ACTN3: variants seen among roughly 807,000 people sequenced by gnomAD.
The protein encoded by ACTN3 is actinin alpha 3, also known as alpha-actinin-3.
ACTN3 carries 91 observed loss-of-function variants against 119.6 expected under a neutral mutation model. That is an observed-to-expected ratio of 0.76 (90% CI 0.64 to 0.91). The LOEUF (loss-of-function observed/expected upper bound fraction) is 0.91, where lower values mean the gene tolerates loss of function less well. Ranked by LOEUF, ACTN3 falls within the 40% of genes least tolerant of loss-of-function variation. ACTN3 has a pLI of 0.00. For synonymous variants in ACTN3, 456 were observed against 478.8 expected (o/e 0.95, Z 0.62); for missense variants, 1,221 against 1,215.1 (o/e 1.00, Z -0.07).
chr11:66,557,019 C>T (rs1420320711), intron 8 of ACTN3, 114 bp from the exon 9 acceptor site: 1 of 887,492 alleles, frequency 1.1e-6, no homozygotes. Context: ...CCTCGGCCTC[C>T]CAAACTGCTG....
intron 11 of ACTN3, 35 bp from the exon 12 acceptor site, chr11:66,559,201 C>T: frequency 6.9e-7 from 1 of 1,456,892 alleles, no homozygotes; most frequent in Non-Finnish European, 9.1e-7. Context: ...CCCCTGCCGC[C>T]ACTGGGTGAC....
chr11:66,550,948 G>T, intron 1 of ACTN3: 1 of 525,950 alleles, frequency 1.9e-6, no homozygotes, highest in Non-Finnish European at 3.6e-6. Context: ...TTTTCTAAGG[G>T]CCCTCCAGTG....
intron 15 of ACTN3, 79 bp downstream of exon 15, chr11:66,560,834 T>A (rs1857742545): frequency 6.8e-7 from 1 of 1,461,162 alleles, no homozygotes; most frequent in South Asian, 1.3e-5. Flanking sequence ...GCCCAAGATA[T>A]GGAGAATAAA....
chr11:66,557,060 G>A (rs187448221), intron 8 of ACTN3, 73 bp from the exon 9 acceptor site: 71 of 1,401,156 alleles, frequency 5.1e-5, no homozygotes, highest in African/African-American at 3.1e-4. Context: ...CGCGCTCGGC[G>A]GGGCTCTGGG....
Position 66,558,100 on chromosome 11 carries a change from G to C in ACTN3, c.1202G>C (p.Arg401Pro). Reference sequence around the variant, plus strand: ...GAGGACTGGCTGCTCTCGGAGATCCGGCGCCTGCAGCGACTCCAGCACCTG... The same window carrying C: ...GAGGACTGGCTGCTCTCGGAGATCCCGCGCCTGCAGCGACTCCAGCACCTG... ...GYEDWLLSEI[R>P]RLQRLQHLAE... The change falls in exon 11 of 21, where the codon CGG becomes CCG. Residue 401 changes from arginine (R) to proline (P), a missense_variant. Physicochemically the swap from Arg to Pro is moderately radical, Grantham distance 103. Around this residue, in one of 3 missense-constraint regions of ACTN3, gnomAD observed 934 missense variants for 899.9 expected, o/e 1.04. Coordinates refer to ENST00000513398, the MANE Select transcript of ACTN3 (RefSeq NM_001104.4). 1 of 1,613,800 alleles carries C rather than the reference G, an allele frequency of 6.2e-7. No individual in the cohort carries two copies. The highest frequency in any genetic ancestry group is 8.5e-7 in the Non-Finnish European group (1 of 1,179,862).
chr11:66,557,293 CA>C, intron 9 of ACTN3, 68 bp downstream of exon 9: 1 of 1,437,446 alleles, frequency 7.0e-7, no homozygotes, highest in Non-Finnish European at 9.6e-7. Flanking sequence ...CTGCTAACCC[CA>C]AGCGTGGGCC....
At chr11:66,552,239 G>A (rs979179383) in intron 3 of ACTN3, among the ~76,000 whole-genome samples, 3 of 151,782 alleles carry the variant, frequency 2.0e-5, no homozygotes, top group Non-Finnish European at 1.5e-5. Context: ...GTGTGGCGGC[G>A]CGTGGCTGTA....
At chr11:66,557,083 T>C in intron 8 of ACTN3, 50 bp from the exon 9 acceptor site, 1 of 1,528,882 alleles carries the variant, frequency 6.5e-7, no homozygotes, top group Non-Finnish European at 8.9e-7. Context: ...TTAAGGGCTT[T>C]ACAGAAGCAA....
chr11:66,560,624 C>T lies in ACTN3; in HGVS notation c.1729C>T (p.Arg577Ter), dbSNP rs1815739. The T allele has an allele frequency of 0.44, 708,445 of 1,613,426 alleles. 161,361 individuals are homozygous for T. Among genetic ancestry groups the T allele is most frequent in the Admixed American group, 0.62 (37,426 of 59,986 alleles). Reference sequence around the variant, plus strand: ...CAAGGCAACACTGCCCGAGGCTGACCGAGAGCGAGGTGCCATCATGGGCAT... The same window carrying T: ...CAAGGCAACACTGCCCGAGGCTGACTGAGAGCGAGGTGCCATCATGGGCAT... The part of the protein sequence containing the change: ...QFKATLPEAD[R>*]ERGAIMGIQG... The change falls in exon 15 of 21, where the codon CGA (arginine) becomes TGA (stop). Residue 577 changes from arginine (R) to a stop codon, truncating the protein, a stop_gained. Transcript: ENST00000513398. LOFTEE classifies it high-confidence loss of function.
At position 66,560,679 on chromosome 11, in the gene ACTN3, C is replaced by CATA. The variant is rs1857736439; in HGVS notation, c.1784_1785insATA (p.Thr595_Tyr596insTer). The CATA allele has an allele frequency of 6.2e-7, 1 of 1,613,836 alleles. No individual in the cohort carries two copies. Among genetic ancestry groups the CATA allele is most frequent in the Non-Finnish European group, 8.5e-7 (1 of 1,179,886 alleles). On this transcript the variant is annotated stop_gained and inframe_insertion, in exon 15 of 21. Transcript: ENST00000513398. LOFTEE classifies it high-confidence loss of function. ...GGTGAGATCCAGAAGATCTGCCAGA[C>CATA]GTATGGGCTGCGGCCCTGCTCCACC...
intron 18 of ACTN3, 26 bp from the exon 19 acceptor site, chr11:66,562,231 G>T: frequency 6.2e-7 from 1 of 1,613,842 alleles, no homozygotes; most frequent in Non-Finnish European, 8.5e-7. Flanking sequence ...TGGAGACCAA[G>T]CCTGATAACC....
chr11:66,562,882 G>C lies in ACTN3; in HGVS notation c.2475G>C (p.Met825Ile). The change falls in exon 20 of 21, where the codon ATG becomes ATC. Residue 825 changes from methionine to isoleucine, a missense_variant. This residue lies in a region of ACTN3 where 934 missense variants were observed against 899.9 expected (regional missense o/e 1.04). Coordinates refer to ENST00000513398, the MANE Select transcript of ACTN3 (RefSeq NM_001104.4). ...CCTTCCAGGCCTTCATAGACTTCATGACCCGAGAGACAGCCGAGACTGACA... is the reference window on the plus strand; with the variant it reads ...CCTTCCAGGCCTTCATAGACTTCATCACCCGAGAGACAGCCGAGACTGACA... ...VVTFQAFIDF[M>I]TRETAETDTT... 1.9e-6 allele frequency: 3 copies of C among 1,613,866 alleles called. No homozygotes were observed. Among genetic ancestry groups the C allele is most frequent in the Non-Finnish European group, 2.5e-6 (3 of 1,179,840 alleles).
chr11:66,552,184 C>A (rs1343661331), intron 3 of ACTN3, among the ~76,000 whole-genome samples: 1 of 151,832 alleles, frequency 6.6e-6, no homozygotes, highest in African/African-American at 2.4e-5. Flanking sequence ...TCAAGACCAT[C>A]CTGGCCAACA....
intron 1 of ACTN3, among the ~76,000 whole-genome samples, chr11:66,549,021 T>A (rs1008947361): frequency 6.6e-6 from 1 of 152,092 alleles, no homozygotes; most frequent in Middle Eastern, 3.2e-3. Flanking sequence ...TCCCTGACTC[T>A]CTGTTGCCCT....
At chr11:66,559,517 C>G (rs1051379173) in intron 12 of ACTN3, 131 bp downstream of exon 12, 1 of 961,048 alleles carries the variant, frequency 1.0e-6, no homozygotes, top group African/African-American at 1.7e-5. Flanking sequence ...GCCGTGGTAC[C>G]CAGGTCCCAT....
At position 66,560,663 on chromosome 11, in the gene ACTN3, CAGA is replaced by C. The variant is rs757848690; in HGVS notation, c.1772_1774del (p.Lys591del). 9.9e-6 allele frequency: 16 copies of C among 1,613,790 alleles called. No individual in the cohort carries two copies. The highest frequency in any genetic ancestry group is 5.0e-5 in the Admixed American group (3 of 59,998). On this transcript the variant is annotated inframe_deletion, in exon 15 of 21. Transcript: ENST00000513398. ...CATCATGGGCATCCAGGGTGAGATC[CAGA>C]AGATCTGCCAGACGTATGGGCTGCG...
At chr11:66,555,263 C>A in intron 6 of ACTN3, 23 bp from the exon 7 acceptor site, 1 of 1,614,016 alleles carries the variant, frequency 6.2e-7, no homozygotes, top group Non-Finnish European at 8.5e-7. Context: ...GACCTTTCAC[C>A]CTCCTCCCTT....
At chr11:66,554,717 T>A in intron 5 of ACTN3, 94 bp downstream of exon 5, 1 of 1,040,568 alleles carries the variant, frequency 9.6e-7, no homozygotes, top group Non-Finnish European at 1.4e-6. Flanking sequence ...ACTGAGCTGG[T>A]CTCTGTCACA....
Position 66,559,957 on chromosome 11 carries a change from C to G in ACTN3, c.1428-11C>G, listed in dbSNP as rs1373230066. On this transcript the variant is annotated splice_polypyrimidine_tract_variant and intron_variant, in intron 12 of 20. Transcript: ENST00000513398. ...GGCTGGCCCCACACTCGCCCTACTT[C>G]TCGCTCCCAGTGAGCTGGACTACCA... is the stretch of plus-strand genomic sequence containing the variant. 1.3e-6 allele frequency: 2 copies of G among 1,583,178 alleles called. No individual in the cohort carries two copies. Among genetic ancestry groups the G allele is most frequent in the African/African-American group, 1.3e-5 (1 of 74,336 alleles).
Sources: allele counts gnomAD v4.1 joint callset (sites outside exome capture counted in the v4.1 genomes callset), GRCh38; gene constraint gnomAD v4.1.1; regional missense constraint gnomAD v4.1.1; transcripts MANE v1.5; gene names NCBI Gene and HGNC (gene_info 2026-07-23, HGNC 2026-07-21).